The following DOCK8 variants were observed in gnomAD, a reference collection of about 807,000 sequenced individuals.
The protein encoded by DOCK8 is dedicator of cytokinesis protein 8.
A neutral mutation model predicts 245.6 loss-of-function variants in DOCK8; 141 were observed. The ratio of observed to expected loss-of-function variants is 0.57; its 90% CI spans 0.50 to 0.66. DOCK8 has a LOEUF of 0.66. Ranked by LOEUF, DOCK8 falls within the 30% of genes least tolerant of loss-of-function variation. DOCK8 has a pLI of 0.00. For missense variants in DOCK8, 2,965 were observed against 2,603.4 expected (o/e 1.14, Z -3.02); for synonymous variants, 1,168 against 970.2 (o/e 1.20, Z -3.79).
At chr9:399,518 A>G (rs2054638716) in intron 26 of DOCK8, among the ~76,000 whole-genome samples, 1 of 152,090 alleles carries the variant, frequency 6.6e-6, no homozygotes, top group Non-Finnish European at 1.5e-5. Context: ...AATTTGTGAT[A>G]TGATCTGAAT....
At chr9:317,354 G>A (rs1332296411) in intron 7 of DOCK8, among the ~76,000 whole-genome samples, 1 of 152,052 alleles carries the variant, frequency 6.6e-6, no homozygotes, top group Admixed American at 6.6e-5. Context: ...GCAAACACAC[G>A]TGTCTACTAA....
chr9:373,604 C>G (rs1397700406), intron 18 of DOCK8, among the ~76,000 whole-genome samples: 1 of 152,214 alleles, frequency 6.6e-6, no homozygotes, highest in Non-Finnish European at 1.5e-5. Flanking sequence ...TGAAGAATTT[C>G]TCAGAAATTT....
chr9:341,689 G>A (rs1168405304), intron 14 of DOCK8, among the ~76,000 whole-genome samples: 1 of 152,148 alleles, frequency 6.6e-6, no homozygotes, highest in African/African-American at 2.4e-5. Context: ...GTACGCAAAT[G>A]ACTTCACACT....
rs1209848043 is a variant in DOCK8 at position 400,065 on chromosome 9, CACCAT to C, written c.3234+807_3234+811del. On this transcript the variant is annotated intron_variant, in intron 26 of 47. Coordinates refer to ENST00000432829, the MANE Select transcript of DOCK8 (RefSeq NM_203447.4). ...CCACCTCCACCATCACCACCTCCTT[CACCAT>C]CACCATCACCACCACCTCCACCATC... Among the ~76,000 whole-genome samples the C allele has an allele frequency of 3.7e-4, 30 of 81,936 alleles. 1 individual carries two copies. Among genetic ancestry groups the C allele is most frequent in the African/African-American group, 1.1e-3 (14 of 12,956 alleles). 53.8% of individuals were successfully genotyped at this position (81,936 alleles called of 152,430 possible). A position where few individuals can be genotyped will look rare whatever the true frequency, so the allele number is the denominator to read the frequency against.
intron 35 of DOCK8, 23 bp from the exon 36 acceptor site, chr9:429,679 A>G (rs1270071514): frequency 6.2e-7 from 1 of 1,614,146 alleles, no homozygotes. Flanking sequence ...GTGATGCCTA[A>G]TGGCCCTTTA....
At chr9:436,671 T>G (rs1035742806) in intron 39 of DOCK8, among the ~76,000 whole-genome samples, 3 of 152,254 alleles carry the variant, frequency 2.0e-5, no homozygotes, top group Non-Finnish European at 2.9e-5. Flanking sequence ...AGTGAATCAT[T>G]ATTACACAAT....
intron 26 of DOCK8, among the ~76,000 whole-genome samples, chr9:403,978 G>GTATATATATATTTT (rs2055290402): frequency 1.5e-5 from 1 of 65,212 alleles, no homozygotes; most frequent in Non-Finnish European, 2.5e-5. Flanking sequence ...ATATATATGT[G>GTATATATATATTTT]TATATATATA....
intron 34 of DOCK8, among the ~76,000 whole-genome samples, chr9:427,914 C>A (rs1477230251): frequency 6.6e-6 from 1 of 152,110 alleles, no homozygotes; most frequent in Non-Finnish European, 1.5e-5. Context: ...AAAGCTGAAA[C>A]CTTTTGTTAT....
At chr9:215,753 A>G (rs2046735867) in intron 1 of DOCK8, 1 of 225,564 alleles carries the variant, frequency 4.4e-6, no homozygotes, top group Non-Finnish European at 9.3e-6. Context: ...CACAAACTAA[A>G]TATGTAAGCA....
chr9:412,588 A>C (rs1189892671), intron 28 of DOCK8, among the ~76,000 whole-genome samples: 2 of 152,160 alleles, frequency 1.3e-5, no homozygotes, highest in Non-Finnish European at 2.9e-5. Context: ...AGATCAACAT[A>C]CAAGAATCAA....
chr9:305,930 G>A (rs1353135746), intron 5 of DOCK8, among the ~76,000 whole-genome samples: 1 of 152,160 alleles, frequency 6.6e-6, no homozygotes, highest in Non-Finnish European at 1.5e-5. Context: ...CAGGGGCTGG[G>A]GGAGGGAGGA....
In DOCK8 at chr9:449,919, G is replaced by A; in HGVS notation, c.5953G>A (p.Val1985Ile). The A allele has an allele frequency of 1.2e-6, 2 of 1,613,852 alleles. No individual in the cohort carries two copies. Among genetic ancestry groups the A allele is most frequent in the Non-Finnish European group, 1.7e-6 (2 of 1,180,006 alleles). Residue 1985 changes from valine to isoleucine, a missense_variant, in exon 45 of 48, where the codon GTA (valine) becomes ATA (isoleucine). Transcript: ENST00000432829. ...MVLQGSVGAT[V>I]NQGPLEVAQV... ...GCTGCAAGGCTCTGTGGGAGCTACT[G>A]TAAATCAGGTAAGCAAAACCAGAGG... is the stretch of plus-strand genomic sequence containing the variant.
intron 22 of DOCK8, among the ~76,000 whole-genome samples, chr9:383,320 G>A (rs1043136715): frequency 1.3e-5 from 2 of 152,114 alleles, no homozygotes; most frequent in Non-Finnish European, 2.9e-5. Context: ...GGATCACAAG[G>A]TCAGGAGTTC....
chr9:400,650 C>G (rs1473600750), intron 26 of DOCK8, among the ~76,000 whole-genome samples: 16 of 126,036 alleles, frequency 1.3e-4, no homozygotes, highest in Non-Finnish European at 1.6e-4. Flanking sequence ...ACCATCACCA[C>G]CACCTCCACC....
intron 46 of DOCK8, chr9:460,018 C>CA (rs2057755279): frequency 6.6e-6 from 1 of 152,164 alleles, no homozygotes; most frequent in East Asian, 1.9e-4. Flanking sequence ...TAGGAGAGCA[C>CA]ATTCTTGTGG....
intron 16 of DOCK8, 122 bp downstream of exon 16, chr9:370,422 A>G (rs2053234029): frequency 1.2e-6 from 1 of 843,470 alleles, no homozygotes; most frequent in East Asian, 2.6e-5. Context: ...GGGGCAAAGG[A>G]AATCCATGCC....
At chr9:350,144 GCT>G (rs971269989) in intron 14 of DOCK8, among the ~76,000 whole-genome samples, 4 of 152,084 alleles carry the variant, frequency 2.6e-5, no homozygotes, top group African/African-American at 9.7e-5. Context: ...ACAGGATCTT[GCT>G]CTGTCTCCAA....
chr9:406,862 A>G (rs572241627), intron 27 of DOCK8, 68 bp from the exon 28 acceptor site: 3 of 1,607,926 alleles, frequency 1.9e-6, no homozygotes, highest in African/African-American at 2.7e-5. Context: ...GGACTCAGTA[A>G]ACACTGGCCA....
At chr9:298,483 G>A (rs768123950) in intron 4 of DOCK8, among the ~76,000 whole-genome samples, 1 of 152,100 alleles carries the variant, frequency 6.6e-6, no homozygotes, top group Non-Finnish European at 1.5e-5. Context: ...TACAGTGCAT[G>A]AACTTTTTAT....
Sources: gnomAD v4.1 joint callset for allele counts (sites outside exome capture counted in the v4.1 genomes callset) on GRCh38, gnomAD v4.1.1 for gene constraint, MANE v1.5 for transcripts, NCBI Gene and HGNC (gene_info 2026-07-23, HGNC 2026-07-21) for gene names.